The following NRXN3 variants were observed in gnomAD, a reference collection of about 807,000 sequenced individuals.
NRXN3 encodes the protein neurexin 3.
Under a neutral mutation model 137.6 loss-of-function variants are expected in NRXN3, and 32 were observed. The ratio of observed to expected loss-of-function variants is 0.23; its 90% confidence interval spans 0.18 to 0.31. The LOEUF is 0.31. Ranked by LOEUF, NRXN3 falls within the 10% of genes least tolerant of loss-of-function variation. The pLI, the probability that NRXN3 is intolerant of heterozygous loss-of-function variation, is 1.00. For missense variants in NRXN3, 1,574 were observed against 2,062.5 expected (o/e 0.76, Z 4.59); for synonymous variants, 798 against 784.5 (o/e 1.02, Z -0.29).
At chr14:78,517,155 C>T (rs2096220388) in intron 4 of NRXN3, among the ~76,000 whole-genome samples, 5 of 152,002 alleles carry the variant, frequency 3.3e-5, no homozygotes, top group African/African-American at 1.2e-4. Context: ...TTTAGGTTTT[C>T]TTTCTCATGG....
intron 4 of NRXN3, among the ~76,000 whole-genome samples, chr14:78,441,724 G>A (rs1043356518): frequency 6.6e-6 from 1 of 152,124 alleles, no homozygotes; most frequent in Non-Finnish European, 1.5e-5. Flanking sequence ...CAGATGTAAT[G>A]AAGTTAAGGA....
chr14:78,934,317 C>A (rs1161068943), intron 10 of NRXN3, among the ~76,000 whole-genome samples: 1 of 152,292 alleles, frequency 6.6e-6, no homozygotes, highest in South Asian at 2.1e-4. Context: ...GCTTTCCAAA[C>A]TTTCATTAAA....
intron 2 of NRXN3, among the ~76,000 whole-genome samples, chr14:78,269,022 T>C (rs1324944817): frequency 6.6e-6 from 1 of 152,212 alleles, no homozygotes; most frequent in Non-Finnish European, 1.5e-5. Flanking sequence ...ACGAATGATA[T>C]AGCACTCTGT....
chr14:79,704,572 G>T (rs1402738971), intron 19 of NRXN3, among the ~76,000 whole-genome samples: 5 of 152,078 alleles, frequency 3.3e-5, no homozygotes, highest in African/African-American at 1.2e-4. Context: ...TAGGATCAGG[G>T]CTCAACTAAT....
chr14:79,228,604 C>G (rs561810360), intron 15 of NRXN3, among the ~76,000 whole-genome samples: 113 of 152,220 alleles, frequency 7.4e-4, no homozygotes, highest in African/African-American at 2.6e-3. Context: ...GGACATCCAA[C>G]ATGTTTTGAG....
intron 20 of NRXN3, among the ~76,000 whole-genome samples, chr14:79,845,125 G>A (rs1382960439): frequency 6.6e-6 from 1 of 151,996 alleles, no homozygotes; most frequent in Non-Finnish European, 1.5e-5. Context: ...ACCTGCCTCA[G>A]CCTTCATAGA....
At chr14:78,720,117 G>T (rs1319489082) in intron 8 of NRXN3, among the ~76,000 whole-genome samples, 2 of 151,766 alleles carry the variant, frequency 1.3e-5, no homozygotes, top group African/African-American at 4.8e-5. Context: ...CAGGGTTTCT[G>T]TTTTAGGTCT....
chr14:79,059,247 A>ATTTTTTTTTTTTTTT (rs1555701604), intron 15 of NRXN3, among the ~76,000 whole-genome samples: 2 of 95,844 alleles, frequency 2.1e-5, no homozygotes, highest in African/African-American at 4.0e-5. Context: ...TTCAGGCCCT[A>ATTTTTTTTTTTTTTT]TTCTTTTTTT....
intron 15 of NRXN3, among the ~76,000 whole-genome samples, chr14:79,439,236 C>A (rs193108656): frequency 8.5e-4 from 130 of 152,308 alleles, no homozygotes; most frequent in Non-Finnish European, 4.4e-4. Flanking sequence ...ATTGTACTTA[C>A]AAGATAAACT....
chr14:79,257,343 CTGGTGGTGGTGGTGGTGGTGG>C (rs577147425), intron 15 of NRXN3, among the ~76,000 whole-genome samples: 1 of 12,698 alleles, frequency 7.9e-5, no homozygotes, highest in African/African-American at 3.3e-4. Context: ...TGTCTTATTC[CTGGTGGTGGTGGTGGTGGTGG>C]TGGTGGTGGT....
chr14:78,587,396 C>A (rs111619235), intron 4 of NRXN3, among the ~76,000 whole-genome samples: 2 of 152,136 alleles, frequency 1.3e-5, no homozygotes, highest in African/African-American at 4.8e-5. Flanking sequence ...TGGAATCAAC[C>A]GTTTTTAATG....
At chr14:79,105,888 CT>C (rs2052341101) in intron 15 of NRXN3, among the ~76,000 whole-genome samples, 1 of 152,012 alleles carries the variant, frequency 6.6e-6, no homozygotes, top group African/African-American at 2.4e-5. Flanking sequence ...TTTAGTCTAG[CT>C]TTTCTTTCTT....
At chr14:79,805,063 CT>C in intron 19 of NRXN3, 48 bp from the exon 20 acceptor site, 1 of 1,302,708 alleles carries the variant, frequency 7.7e-7, no homozygotes, top group Non-Finnish European at 1.1e-6. Flanking sequence ...TTATCTCTCT[CT>C]CTTCTCTCTC....
intron 16 of NRXN3, among the ~76,000 whole-genome samples, chr14:79,650,008 G>A (rs1475528351): frequency 6.6e-6 from 1 of 152,128 alleles, no homozygotes; most frequent in Non-Finnish European, 1.5e-5. Flanking sequence ...TTTACATGGA[G>A]GAGAGAGAAA....
At chr14:79,334,087 GC>G (rs1476167979) in intron 15 of NRXN3, among the ~76,000 whole-genome samples, 1 of 152,160 alleles carries the variant, frequency 6.6e-6, no homozygotes, top group Non-Finnish European at 1.5e-5. Context: ...CTTACTGAAT[GC>G]CTACTATGTC....
At chr14:78,526,619 G>T in intron 4 of NRXN3, 1 of 311,384 alleles carries the variant, frequency 3.2e-6, no homozygotes, top group Non-Finnish European at 6.3e-6. Flanking sequence ...TAAAAATGGA[G>T]CATATCTGCT....
Position 79,370,878 on chromosome 14 carries a change from C to T in NRXN3, c.3263-96343C>T, listed in dbSNP as rs138982573. On this transcript the variant is annotated intron_variant, in intron 15 of 20. Transcript: ENST00000335750. ...AGTCTAATATGTGCTAAGCCTTATG[C>T]CAGATGCTTTACAAGCATTATCTTA... 4.2e-3 allele frequency among the ~76,000 whole-genome samples: 641 copies of T among 152,224 alleles called. 15 individuals carry two copies. The highest frequency in any genetic ancestry group is 0.038 in the Admixed American group (581 of 15,298).
At chr14:79,322,603 T>G (rs1454405623) in intron 15 of NRXN3, among the ~76,000 whole-genome samples, 2 of 152,210 alleles carry the variant, frequency 1.3e-5, no homozygotes, top group Admixed American at 1.3e-4. Context: ...GAAAATACTG[T>G]GACTGAAAAA....
At chr14:78,563,872 C>T (rs1260421636) in intron 4 of NRXN3, among the ~76,000 whole-genome samples, 1 of 152,158 alleles carries the variant, frequency 6.6e-6, no homozygotes, top group Non-Finnish European at 1.5e-5. Flanking sequence ...GGAATGGGAT[C>T]ATGGGGGACC....
Sources: allele counts gnomAD v4.1 joint callset (sites outside exome capture counted in the v4.1 genomes callset), GRCh38; gene constraint gnomAD v4.1.1; transcripts MANE v1.5; gene names NCBI Gene and HGNC (gene_info 2026-07-23, HGNC 2026-07-21).